The following MGAT5 variants were observed in gnomAD, a reference collection of about 807,000 sequenced individuals.
The protein encoded by MGAT5 is alpha-1,6-mannosylglycoprotein 6-beta-N-acetylglucosaminyltransferase A.
Under a neutral mutation model 94.3 loss-of-function variants are expected in MGAT5, and 30 were observed. The observed-to-expected ratio is 0.32, with a 90% CI of 0.24 to 0.43. MGAT5 has a LOEUF of 0.43. Ranked by LOEUF, MGAT5 falls within the 20% of genes least tolerant of loss-of-function variation. MGAT5 has a pLI of 1.00. For synonymous variants in MGAT5, 310 were observed against 322.9 expected (o/e 0.96, Z 0.43); for missense variants, 691 against 905.5 (o/e 0.76, Z 3.04).
rs184720977 is a variant in MGAT5 at position 134,214,176 on chromosome 2, T to C, written c.-142-40086T>C. On this transcript the variant is annotated intron_variant, in intron 1 of 16. Coordinates refer to the MGAT5 transcript ENST00000409645. ...ATGAGAAGAGTGTCTTTTGTTATAATATTTGGTCTTACTCCCTAGTTCCCT... is the reference window on the plus strand; with the variant it reads ...ATGAGAAGAGTGTCTTTTGTTATAACATTTGGTCTTACTCCCTAGTTCCCT... Among the ~76,000 whole-genome samples the C allele has an allele frequency of 1.2e-3, 177 of 152,226 alleles. 1 individual carries two copies. Among genetic ancestry groups the C allele is most frequent in the Admixed American group, 4.1e-3 (62 of 15,296 alleles).
At chr2:134,197,734 T>C (rs1212674155) in intron 1 of MGAT5, among the ~76,000 whole-genome samples, 1 of 152,238 alleles carries the variant, frequency 6.6e-6, no homozygotes, top group Non-Finnish European at 1.5e-5. Flanking sequence ...CCTTTTACTT[T>C]AAAGTCAGCT....
In MGAT5 at chr2:134,278,254, A is replaced by G. The variant is rs552852541; in HGVS notation, c.406+7704A>G. ...GATGCTGTCCTTCAAGGCTATGTTAATATGTTCTGTCTTTTATTTTGCCTT... is the reference window on the plus strand; with the variant it reads ...GATGCTGTCCTTCAAGGCTATGTTAGTATGTTCTGTCTTTTATTTTGCCTT... On this transcript the variant is annotated intron_variant, in intron 2 of 15. Coordinates refer to ENST00000281923, the MANE Select transcript of MGAT5 (RefSeq NM_002410.5). 3.9e-5 allele frequency among the ~76,000 whole-genome samples: 6 copies of G among 152,288 alleles called. No homozygotes were observed. In the South Asian group the frequency reaches 1.2e-3, roughly 32 times the overall value.
upstream of MGAT5, among the ~76,000 whole-genome samples, chr2:134,253,804 G>A (rs1339100254): frequency 3.3e-5 from 5 of 152,118 alleles, no homozygotes; most frequent in Admixed American, 3.3e-4. Context: ...CCCCCAAGGG[G>A]GCATCCACTT....
chr2:134,317,706 C>T, intron 3 of MGAT5, 101 bp downstream of exon 3: 1 of 720,780 alleles, frequency 1.4e-6, no homozygotes, highest in Non-Finnish European at 2.1e-6. Context: ...TGAGTGAGCC[C>T]TTGACATGGA....
chr2:134,304,016 C>A (rs1686183714), intron 2 of MGAT5, among the ~76,000 whole-genome samples: 1 of 152,078 alleles, frequency 6.6e-6, no homozygotes, highest in African/African-American at 2.4e-5. Flanking sequence ...TAAGTGTTAT[C>A]TGTGGGAAGA....
chr2:134,154,121 C>T (rs1398804645), intron 1 of MGAT5, among the ~76,000 whole-genome samples: 1 of 152,078 alleles, frequency 6.6e-6, no homozygotes, highest in Non-Finnish European at 1.5e-5. Context: ...TTAATAGTTT[C>T]CACTTATAAT....
chr2:134,377,648 A>G (rs903362327), intron 10 of MGAT5, among the ~76,000 whole-genome samples: 2 of 152,230 alleles, frequency 1.3e-5, no homozygotes, highest in Admixed American at 1.3e-4. Context: ...GACAAAGGCA[A>G]TGTAGGCAGT....
chr2:134,451,069 A>AG lies in MGAT5; in HGVS notation c.*2227dup, dbSNP rs1299606474. 4 of 152,088 alleles carry AG rather than the reference A, an allele frequency of 2.6e-5. No homozygotes were observed. The highest frequency in any genetic ancestry group is 2.6e-4 in the Admixed American group (4 of 15,264). 9.4% of individuals were successfully genotyped at this position (152,088 alleles called of 1,614,324 possible). On this transcript the variant is annotated 3_prime_UTR_variant, in exon 16 of 16. Coordinates refer to ENST00000281923, the MANE Select transcript of MGAT5 (RefSeq NM_002410.5). ...ATGTCAATGCAAGTATCTGACCAACAGGGGGAGCCTGCAGGCCGAGCAAAG... is the reference window on the plus strand; with the variant it reads ...ATGTCAATGCAAGTATCTGACCAACAGGGGGGAGCCTGCAGGCCGAGCAAAG...
intron 10 of MGAT5, among the ~76,000 whole-genome samples, chr2:134,365,567 G>T (rs1202896459): frequency 6.6e-6 from 1 of 152,162 alleles, no homozygotes; most frequent in African/African-American, 2.4e-5. Context: ...CAGGGAGAGG[G>T]TGCTGTTGAG....
At position 134,124,477 on chromosome 2, in the gene MGAT5, C is replaced by T. The variant is rs868781863; in HGVS notation, c.-143+4186C>T. Among the ~76,000 whole-genome samples, 17 of 152,286 alleles carry T rather than the reference C, an allele frequency of 1.1e-4. No homozygotes were observed. In the Middle Eastern group the frequency reaches 0.01, roughly 91 times the overall value. On this transcript the variant is annotated intron_variant, in intron 1 of 16. Transcript: ENST00000409645. ...TGGAATGGGAACAGGGCTTTCCTCT[C>T]GGGACTCTGCCCAGTCTTAAAAATC...
chr2:134,218,883 G>A (rs960216419), intron 1 of MGAT5, among the ~76,000 whole-genome samples: 2 of 152,116 alleles, frequency 1.3e-5, no homozygotes, highest in African/African-American at 4.8e-5. Flanking sequence ...TATACTTCAC[G>A]TGGTTCCTTA....
At chr2:134,244,744 C>A (rs1559007759) in intron 1 of MGAT5, among the ~76,000 whole-genome samples, 1 of 152,142 alleles carries the variant, frequency 6.6e-6, no homozygotes, top group Non-Finnish European at 1.5e-5. Context: ...ATTGGTAAGG[C>A]AGTCCCTCTC....
At position 134,271,800 on chromosome 2, in the gene MGAT5, A is replaced by G. The variant is rs192404181; in HGVS notation, c.406+1250A>G. On this transcript the variant is annotated intron_variant, in intron 2 of 15. Coordinates refer to ENST00000281923, the MANE Select transcript of MGAT5 (RefSeq NM_002410.5). ...AATCCTGTCTTCCTTGCAGTTTCCA[A>G]CAGCTTCTGTAATTAGACAAGAGAA... is the stretch of plus-strand genomic sequence containing the variant. 2.5e-3 allele frequency among the ~76,000 whole-genome samples: 377 copies of G among 152,296 alleles called. 2 individuals are homozygous for G. Among genetic ancestry groups the G allele is most frequent in the Non-Finnish European group, 4.3e-3 (292 of 68,020 alleles).
intron 1 of MGAT5, among the ~76,000 whole-genome samples, chr2:134,229,896 T>C (rs1214813650): frequency 6.6e-6 from 1 of 152,086 alleles, no homozygotes; most frequent in Non-Finnish European, 1.5e-5. Context: ...AAACAAATAA[T>C]CAGTAAGTAC....
intron 4 of MGAT5, among the ~76,000 whole-genome samples, chr2:134,325,023 A>AT (rs397766320): frequency 7.0e-6 from 1 of 141,894 alleles, no homozygotes; most frequent in Admixed American, 6.8e-5. Context: ...AAAAAAAAAA[A>AT]TCCTGAGTTT....
rs566717631 is a variant in MGAT5, at chr2:134,332,753, C to A, written c.574-3464C>A. On this transcript the variant is annotated intron_variant, in intron 4 of 15. Coordinates refer to ENST00000281923, the MANE Select transcript of MGAT5 (RefSeq NM_002410.5). ...AAACAAATTTACAAGAAAAAAACAA[C>A]CCCATCAAAAAGTGGGCGAAGGACA... Among the ~76,000 whole-genome samples, 7 of 152,142 alleles carry A rather than the reference C, an allele frequency of 4.6e-5. No homozygotes were observed. In the South Asian group the frequency reaches 1.2e-3, roughly 27 times the overall value.
At chr2:134,376,248 C>T (rs1681162698) in intron 10 of MGAT5, among the ~76,000 whole-genome samples, 1 of 152,188 alleles carries the variant, frequency 6.6e-6, no homozygotes, top group African/African-American at 2.4e-5. Context: ...CACTGAAATA[C>T]TCAATTCAAA....
intron 1 of MGAT5, among the ~76,000 whole-genome samples, chr2:134,255,028 G>A (rs3748898): frequency 0.011 from 1,735 of 152,292 alleles, 15 homozygotes; most frequent in East Asian, 0.028. Flanking sequence ...GTGGGGGTGA[G>A]GTGAAGAGGA....
chr2:134,445,165 A>G (rs1685702104), intron 15 of MGAT5, among the ~76,000 whole-genome samples: 1 of 152,126 alleles, frequency 6.6e-6, no homozygotes, highest in Admixed American at 6.5e-5. Context: ...TACCTGAGAG[A>G]GGGAAGGTGA....
Sources: gnomAD v4.1 joint callset for allele counts (sites outside exome capture counted in the v4.1 genomes callset) on GRCh38, gnomAD v4.1.1 for gene constraint, MANE v1.5 for transcripts, NCBI Gene and HGNC (gene_info 2026-07-23, HGNC 2026-07-21) for gene names.